GRM7: variants seen among roughly 807,000 people sequenced by gnomAD.
GRM7 encodes metabotropic glutamate receptor 7.
A neutral mutation model predicts 84.5 loss-of-function variants in GRM7; 35 were observed. That is an observed-to-expected ratio of 0.41 (90% CI 0.32 to 0.55). The LOEUF (loss-of-function observed/expected upper bound fraction) is 0.55, where lower values mean the gene tolerates loss of function less well. Ranked by LOEUF, GRM7 falls within the 20% of genes least tolerant of loss-of-function variation. GRM7 has a pLI of 0.19. For missense variants in GRM7, 1,003 were observed against 1,194.6 expected (o/e 0.84, Z 2.36); for synonymous variants, 487 against 455.1 (o/e 1.07, Z -0.89).
intron 2 of GRM7, among the ~76,000 whole-genome samples, chr3:7,282,234 A>T (rs752664092): frequency 1.3e-5 from 2 of 152,258 alleles, no homozygotes; most frequent in Admixed American, 6.5e-5. Context: ...GGCTTAAAAT[A>T]ATACAGATGC....
chr3:7,702,353 G>A (rs1176335413), intron 9 of GRM7, among the ~76,000 whole-genome samples: 2 of 152,166 alleles, frequency 1.3e-5, no homozygotes, highest in African/African-American at 2.4e-5. Flanking sequence ...GGTCTTTGGA[G>A]CACAGTCTGG....
intron 1 of GRM7, among the ~76,000 whole-genome samples, chr3:6,949,614 T>C (rs530806770): frequency 1.3e-5 from 2 of 151,748 alleles, no homozygotes; most frequent in African/African-American, 4.9e-5. Flanking sequence ...ACTTGCTAGA[T>C]TGGGGAAGTT....
At chr3:7,403,126 A>G (rs549562761) in intron 4 of GRM7, 30 of 445,054 alleles carry the variant, frequency 6.7e-5, no homozygotes, top group Non-Finnish European at 1.2e-4. Context: ...TACAATGCAC[A>G]ATAATTTTCT....
At chr3:7,302,687 ATTTTC>A (rs1700044230) in intron 3 of GRM7, among the ~76,000 whole-genome samples, 1 of 151,952 alleles carries the variant, frequency 6.6e-6, no homozygotes, top group South Asian at 2.1e-4. Context: ...TTTAATTTTA[ATTTTC>A]TTTTTTAATG....
chr3:7,094,751 T>C (rs1269273431), intron 1 of GRM7, among the ~76,000 whole-genome samples: 1 of 152,102 alleles, frequency 6.6e-6, no homozygotes, highest in African/African-American at 2.4e-5. Context: ...ATTTCCTAAT[T>C]TGCAAAATGG....
chr3:7,177,627 A>G (rs1300038944), intron 2 of GRM7, among the ~76,000 whole-genome samples: 3 of 151,962 alleles, frequency 2.0e-5, no homozygotes, highest in East Asian at 1.9e-4. Flanking sequence ...GGTGGGAGAA[A>G]AGAAGGAAAT....
intron 7 of GRM7, among the ~76,000 whole-genome samples, chr3:7,472,982 C>A (rs1698763750): frequency 6.6e-6 from 1 of 152,146 alleles, no homozygotes; most frequent in Non-Finnish European, 1.5e-5. Flanking sequence ...CATAAGGTGA[C>A]CACATGAGTT....
Position 7,111,900 on chromosome 3 carries a change from AC to A in GRM7, c.520-34545del, listed in dbSNP as rs200109356. ...TCAAGAAGAAGAACATATTACCAGCACCCCCCCACCCTCAGAGAGTCCCGTT... is the reference window on the plus strand; with the variant it reads ...TCAAGAAGAAGAACATATTACCAGCACCCCCCACCCTCAGAGAGTCCCGTT... On this transcript the variant is annotated intron_variant, in intron 1 of 9. Coordinates refer to ENST00000357716, the MANE Select transcript of GRM7 (RefSeq NM_000844.4). Among the ~76,000 whole-genome samples the A allele has an allele frequency of 5.1e-3, 782 of 151,928 alleles. 7 individuals carry two copies. Among genetic ancestry groups the A allele is most frequent in the African/African-American group, 0.018 (727 of 41,450 alleles).
intron 1 of GRM7, among the ~76,000 whole-genome samples, chr3:6,924,720 A>G (rs1235907116): frequency 6.6e-6 from 1 of 152,216 alleles, no homozygotes; most frequent in African/African-American, 2.4e-5. Flanking sequence ...AAACACTGTA[A>G]GAGGCTACCA....
intron 1 of GRM7, among the ~76,000 whole-genome samples, chr3:7,037,002 G>T (rs914219560): frequency 6.6e-6 from 1 of 152,138 alleles, no homozygotes; most frequent in Non-Finnish European, 1.5e-5. Context: ...TTGAATCTCT[G>T]ATTTCTCCAT....
intron 5 of GRM7, 42 bp from the exon 6 acceptor site, chr3:7,452,555 AATTTGTGTGT>A: frequency 8.7e-7 from 1 of 1,148,608 alleles, no homozygotes; most frequent in Non-Finnish European, 1.3e-6. Flanking sequence ...ACTCAATGCC[AATTTGTGTGT>A]GTGTGTGTGT....
At chr3:6,997,918 G>A (rs915318519) in intron 1 of GRM7, among the ~76,000 whole-genome samples, 6 of 151,606 alleles carry the variant, frequency 4.0e-5, no homozygotes, top group Non-Finnish European at 7.4e-5. Flanking sequence ...TCATGAGTAC[G>A]AGACCATCCT....
intron 2 of GRM7, among the ~76,000 whole-genome samples, chr3:7,273,967 G>A (rs756194397): frequency 9.2e-5 from 14 of 151,562 alleles, no homozygotes; most frequent in Admixed American, 5.9e-4. Context: ...TTTGTCTTTT[G>A]TGGCTTTAAT....
At chr3:7,294,591 T>A (rs1171830753) in intron 2 of GRM7, among the ~76,000 whole-genome samples, 3 of 150,256 alleles carry the variant, frequency 2.0e-5, no homozygotes, top group Admixed American at 6.6e-5. Context: ...AATGTTTGGC[T>A]AGAATATCAT....
intron 1 of GRM7, among the ~76,000 whole-genome samples, chr3:6,894,443 G>A (rs555699993): frequency 1.9e-4 from 29 of 152,078 alleles, no homozygotes; most frequent in Non-Finnish European, 4.0e-4. Context: ...GGCAGAAAAG[G>A]GATTTATGTC....
At chr3:6,996,020 T>A (rs559297855) in intron 1 of GRM7, among the ~76,000 whole-genome samples, 16 of 152,280 alleles carry the variant, frequency 1.1e-4, no homozygotes, top group African/African-American at 3.1e-4. Flanking sequence ...ATATGCCTGA[T>A]GACATGTCCT....
rs186786758 is a variant in GRM7, at chr3:6,966,972, T to C, written c.519+105065T>C. 2.0e-3 allele frequency among the ~76,000 whole-genome samples: 310 copies of C among 152,256 alleles called. 2 individuals carry two copies. The highest frequency in any genetic ancestry group is 7.2e-3 in the African/African-American group (300 of 41,562). On this transcript the variant is annotated intron_variant, in intron 1 of 9. Transcript: ENST00000357716. ...ATAATAATATCTTACAAAATAATGATGAAGATTAGAGTTGATTAAATAATA... is the reference window on the plus strand; with the variant it reads ...ATAATAATATCTTACAAAATAATGACGAAGATTAGAGTTGATTAAATAATA...
intron 8 of GRM7, among the ~76,000 whole-genome samples, chr3:7,639,423 C>T (rs1368070855): frequency 6.6e-6 from 1 of 152,162 alleles, no homozygotes; most frequent in African/African-American, 2.4e-5. Flanking sequence ...TAATATATTG[C>T]AAGTATTTCC....
chr3:7,139,751 G>A (rs1372539337), intron 1 of GRM7, among the ~76,000 whole-genome samples: 1 of 151,858 alleles, frequency 6.6e-6, no homozygotes, highest in Non-Finnish European at 1.5e-5. Context: ...CCTTGATATT[G>A]GCCTTGGCAA....
Sources: allele counts gnomAD v4.1 joint callset (sites outside exome capture counted in the v4.1 genomes callset), GRCh38; gene constraint gnomAD v4.1.1; transcripts MANE v1.5; gene names NCBI Gene and HGNC (gene_info 2026-07-23, HGNC 2026-07-21).